The following LRRC37A2 variants were observed in gnomAD, a reference collection of about 807,000 sequenced individuals.
LRRC37A2 encodes the protein leucine-rich repeat-containing protein 37A2.
LRRC37A2 carries 9 observed loss-of-function variants against 68.8 expected under a neutral mutation model. That is an observed-to-expected ratio of 0.13 (90% CI 0.08 to 0.23). LRRC37A2 has a LOEUF of 0.23. LRRC37A2 is among the 10% of genes least tolerant of loss of function. The pLI is 1.00. For missense variants in LRRC37A2, 168 were observed against 950.4 expected (o/e 0.18, Z 10.82); for synonymous variants, 63 against 367.6 (o/e 0.17, Z 9.48).
chr17:46,962,253 C>T, the LRRC37A2 span, among the ~76,000 whole-genome samples: 6 of 151,114 alleles, frequency 4.0e-5, no homozygotes, highest in Admixed American at 2.0e-4. Flanking sequence ...AATTTGAACC[C>T]GGGAGGTGGA....
At chr17:46,799,598 C>T in the LRRC37A2 span, among the ~76,000 whole-genome samples, 540 of 152,170 alleles carry the variant, frequency 3.5e-3, 2 homozygotes, top group African/African-American at 0.013. Flanking sequence ...CAGGTGTGCG[C>T]CACCATGCCT....
the LRRC37A2 span, among the ~76,000 whole-genome samples, chr17:46,955,074 G>A: frequency 2.0e-5 from 3 of 151,974 alleles, no homozygotes; most frequent in African/African-American, 4.8e-5. Flanking sequence ...TGGTGAGAGC[G>A]GGCATCCCTG....
the LRRC37A2 span, among the ~76,000 whole-genome samples, chr17:46,835,257 G>T: frequency 6.6e-6 from 1 of 152,102 alleles, no homozygotes; most frequent in East Asian, 1.9e-4. Context: ...TGTTGCCTAG[G>T]TTTGAGTGCA....
At chr17:46,915,355 T>TC in the LRRC37A2 span, among the ~76,000 whole-genome samples, 1 of 152,158 alleles carries the variant, frequency 6.6e-6, no homozygotes, top group Non-Finnish European at 1.5e-5. Flanking sequence ...TGGCTGGGGC[T>TC]CCCAGAGTAA....
the LRRC37A2 span, among the ~76,000 whole-genome samples, chr17:46,865,071 G>A: frequency 2.0e-5 from 3 of 152,202 alleles, no homozygotes; most frequent in African/African-American, 4.8e-5. Flanking sequence ...GGGACCCTCC[G>A]CAGCCACTGT....
At chr17:46,914,650 C>CAAAAAA in the LRRC37A2 span, among the ~76,000 whole-genome samples, 1 of 72,500 alleles carries the variant, frequency 1.4e-5, no homozygotes, top group Non-Finnish European at 2.4e-5. Flanking sequence ...GACTCCACCT[C>CAAAAAA]AAAAAAAAAA....
the LRRC37A2 span, among the ~76,000 whole-genome samples, chr17:46,807,255 G>A: frequency 6.6e-6 from 1 of 152,260 alleles, no homozygotes; most frequent in Non-Finnish European, 1.5e-5. Context: ...GGCCGAGGCA[G>A]GTGGATCACT....
the LRRC37A2 span, among the ~76,000 whole-genome samples, chr17:46,833,748 G>T: frequency 6.6e-6 from 1 of 152,210 alleles, no homozygotes. Flanking sequence ...AAACAGGCCT[G>T]CCCGGGGAAG....
chr17:46,922,854 C>CG, the LRRC37A2 span: 10 of 395,364 alleles, frequency 2.5e-5, no homozygotes, highest in African/African-American at 1.8e-4. Context: ...GATAGCGGCT[C>CG]GCCTTCAACT....
the LRRC37A2 span, among the ~76,000 whole-genome samples, chr17:46,458,531 C>CTTTTTTTTTTT: frequency 1.3e-4 from 5 of 39,936 alleles, no homozygotes; most frequent in East Asian, 4.5e-4. Context: ...TCTTCTTCTT[C>CTTTTTTTTTTT]TTTTTTTTTT....
At chr17:46,952,096 T>C in the LRRC37A2 span, among the ~76,000 whole-genome samples, 2 of 152,206 alleles carry the variant, frequency 1.3e-5, no homozygotes, top group African/African-American at 2.4e-5. Flanking sequence ...TTTTGGTGCA[T>C]TTTCTTTCTA....
the LRRC37A2 span, chr17:46,833,270 G>A: frequency 2.1e-6 from 1 of 465,244 alleles, no homozygotes; most frequent in African/African-American, 2.0e-5. Flanking sequence ...AGCTCCCTGG[G>A]TGATGGCTCC....
At chr17:46,834,608 T>C in the LRRC37A2 span, among the ~76,000 whole-genome samples, 1 of 152,122 alleles carries the variant, frequency 6.6e-6, no homozygotes, top group African/African-American at 2.4e-5. Context: ...AGGTAGGGGC[T>C]CAGCCCTGTC....
At chr17:46,722,755 A>G in the LRRC37A2 span, among the ~76,000 whole-genome samples, 148,443 of 152,276 alleles carry the variant, frequency 0.97, 72,445 homozygotes, top group East Asian at 1. Flanking sequence ...TGTGAGAAGA[A>G]AAAGGGATGT....
intron 6 of LRRC37A2, among the ~76,000 whole-genome samples, chr17:46,534,560 A>G (rs1471191872): frequency 1.4e-5 from 2 of 147,654 alleles, no homozygotes; most frequent in Non-Finnish European, 3.0e-5. Context: ...AATTTTTCTT[A>G]GTACAGAACA....
the LRRC37A2 span, chr17:47,017,812 C>T: frequency 6.2e-7 from 1 of 1,609,860 alleles, no homozygotes; most frequent in South Asian, 1.1e-5. Flanking sequence ...GATGAGCCTC[C>T]AGGGCCCTCT....
At chr17:46,851,731 GC>G in the LRRC37A2 span, 14 of 1,248,670 alleles carry the variant, frequency 1.1e-5, no homozygotes, top group South Asian at 1.2e-4. This position sits in a 1 kb window ranked among gnomAD's most constrained non-coding sequence, Gnocchi z 4.3. Flanking sequence ...TGCCCGCCGC[GC>G]CCCCCGCCCG....
chr17:46,798,470 CAGG>C, the LRRC37A2 span, among the ~76,000 whole-genome samples: 1 of 152,184 alleles, frequency 6.6e-6, no homozygotes, highest in Admixed American at 6.5e-5. Context: ...GATCAGCTTG[CAGG>C]AGAATAGCTG....
At chr17:46,852,323 C>G in the LRRC37A2 span, among the ~76,000 whole-genome samples, 4 of 151,676 alleles carry the variant, frequency 2.6e-5, no homozygotes, top group Non-Finnish European at 4.4e-5. Context: ...TGGGGAAATG[C>G]GACCACATCT....
Sources: gnomAD v4.1 joint callset for allele counts (sites outside exome capture counted in the v4.1 genomes callset) on GRCh38, gnomAD v4.1.1 for gene constraint, Gnocchi (gnomAD v3.1) non-coding constraint, MANE v1.5 for transcripts, NCBI Gene and HGNC (gene_info 2026-07-23, HGNC 2026-07-21) for gene names.